SGCD: variants seen among roughly 807,000 people sequenced by gnomAD.
SGCD encodes the protein delta-sarcoglycan.
SGCD carries 18 observed loss-of-function variants against 36.6 expected under a neutral mutation model. That is an observed-to-expected ratio of 0.49 (90% CI 0.34 to 0.73). The LOEUF (loss-of-function observed/expected upper bound fraction) is 0.73, where lower values mean the gene tolerates loss of function less well. Among genes scored for constraint, SGCD ranks in the 30% least tolerant of loss-of-function variants. The probability of loss-of-function intolerance (pLI) is 0.01; values close to 1 mark genes in which losing one functional copy is unlikely to be tolerated. For missense variants in SGCD, 387 were observed against 346.7 expected (o/e 1.12, Z -0.92); for synonymous variants, 133 against 130.6 (o/e 1.02, Z -0.12).
chr5:156,442,654 A>C (rs898930541), intron 3 of SGCD, among the ~76,000 whole-genome samples: 1 of 152,156 alleles, frequency 6.6e-6, no homozygotes, highest in Non-Finnish European at 1.5e-5. Context: ...TTCTTCACTA[A>C]TAGGTCTGTT....
the SGCD span, among the ~76,000 whole-genome samples, chr5:155,851,725 C>A: frequency 5.3e-5 from 8 of 152,170 alleles, no homozygotes; most frequent in African/African-American, 1.7e-4. Context: ...CATGGACTTT[C>A]ACCTGCCTAG....
At chr5:155,981,087 G>A (rs1348587154) in intron 1 of SGCD, among the ~76,000 whole-genome samples, 2 of 152,208 alleles carry the variant, frequency 1.3e-5, no homozygotes, top group African/African-American at 4.8e-5. Flanking sequence ...AGATGGAGGA[G>A]GGCGGATCCA....
intron 3 of SGCD, among the ~76,000 whole-genome samples, chr5:156,358,544 G>A (rs1769608254): frequency 6.6e-6 from 1 of 152,124 alleles, no homozygotes; most frequent in African/African-American, 2.4e-5. Context: ...CCTACAGTGG[G>A]CCAAGGACTA....
At chr5:155,852,354 A>G in the SGCD span, among the ~76,000 whole-genome samples, 1 of 152,152 alleles carries the variant, frequency 6.6e-6, no homozygotes, top group Admixed American at 6.6e-5. Flanking sequence ...CCTTATTATC[A>G]CTAATTTAAT....
intron 1 of SGCD, among the ~76,000 whole-genome samples, chr5:155,996,917 A>ACAGG (rs1324354565): frequency 2.0e-5 from 3 of 151,862 alleles, no homozygotes; most frequent in African/African-American, 7.3e-5. Flanking sequence ...AGACAGACAG[A>ACAGG]CAGGCAGGCA....
At chr5:156,696,895 T>C (rs1035765227) in intron 7 of SGCD, among the ~76,000 whole-genome samples, 4 of 149,492 alleles carry the variant, frequency 2.7e-5, no homozygotes, top group African/African-American at 5.0e-5. Context: ...CCCTCTTCTC[T>C]CCCCATCATC....
intron 1 of SGCD, among the ~76,000 whole-genome samples, chr5:156,097,971 G>A (rs1489105998): frequency 1.3e-5 from 2 of 152,128 alleles, no homozygotes; most frequent in East Asian, 1.9e-4. Flanking sequence ...AGGTGCCATC[G>A]GAATTCTCAC....
chr5:156,192,504 G>C, intron 3 of SGCD, among the ~76,000 whole-genome samples: 1 of 152,032 alleles, frequency 6.6e-6, no homozygotes, highest in East Asian at 1.9e-4. Context: ...ATGAAGAGAG[G>C]TAAGTTAATG....
upstream of SGCD, among the ~76,000 whole-genome samples, chr5:156,326,540 G>GT (rs1209574604): frequency 6.6e-6 from 1 of 152,224 alleles, no homozygotes; most frequent in Admixed American, 6.5e-5. Context: ...AACTGTACCA[G>GT]TGTGGAAATG....
intron 3 of SGCD, among the ~76,000 whole-genome samples, chr5:156,143,951 T>C (rs1282181459): frequency 3.6e-5 from 5 of 140,594 alleles, no homozygotes; most frequent in Admixed American, 3.1e-4. Context: ...TGTTTTCTCA[T>C]TGTTCAATTC....
chr5:156,423,457 A>G (rs1354087727), intron 3 of SGCD, among the ~76,000 whole-genome samples: 14 of 107,072 alleles, frequency 1.3e-4, no homozygotes, highest in East Asian at 2.5e-4. Flanking sequence ...TTATTATAAT[A>G]TATTAATTAA....
intron 5 of SGCD, among the ~76,000 whole-genome samples, chr5:156,592,238 G>T (rs559898204): frequency 1.3e-5 from 2 of 152,090 alleles, no homozygotes; most frequent in Non-Finnish European, 2.9e-5. Flanking sequence ...TTTTTTATAT[G>T]AATGGAACAA....
intron 7 of SGCD, among the ~76,000 whole-genome samples, chr5:156,729,007 G>A (rs1755925623): frequency 1.3e-5 from 2 of 152,124 alleles, no homozygotes; most frequent in South Asian, 2.1e-4. Context: ...TATCCTTACT[G>A]GAATAGATTA....
chr5:156,087,133 C>T (rs1040807531), intron 1 of SGCD, among the ~76,000 whole-genome samples: 1 of 152,214 alleles, frequency 6.6e-6, no homozygotes, highest in Non-Finnish European at 1.5e-5. Context: ...CAATTATCAT[C>T]AAGGTCACAA....
chr5:156,155,372 C>T (rs936565859), intron 3 of SGCD, among the ~76,000 whole-genome samples: 4 of 151,414 alleles, frequency 2.6e-5, no homozygotes, highest in African/African-American at 4.9e-5. Context: ...TGAGTGGTGC[C>T]GTGTTGCCAG....
intron 3 of SGCD, among the ~76,000 whole-genome samples, chr5:156,148,177 A>G (rs17053247): frequency 0.04 from 6,133 of 152,316 alleles, 273 homozygotes; most frequent in African/African-American, 0.11. Flanking sequence ...ATAATGAACA[A>G]CAAAAACTCT....
upstream of SGCD, among the ~76,000 whole-genome samples, chr5:156,324,618 G>A (rs936278192): frequency 6.6e-6 from 1 of 152,110 alleles, no homozygotes; most frequent in Admixed American, 6.6e-5. Flanking sequence ...AAGTCTTTGG[G>A]GAGACATGAG....
At chr5:155,738,703 A>T in the SGCD span, among the ~76,000 whole-genome samples, 2,704 of 148,856 alleles carry the variant, frequency 0.018, 46 homozygotes, top group African/African-American at 0.035. Context: ...TGTATATGAG[A>T]GTGTGTGAGT....
chr5:155,778,117 A>G, the SGCD span, among the ~76,000 whole-genome samples: 2 of 152,184 alleles, frequency 1.3e-5, no homozygotes, highest in Middle Eastern at 3.2e-3. Flanking sequence ...GGATGTCAAA[A>G]GGGCATTTTT....
Sources: gnomAD v4.1 joint callset for allele counts (sites outside exome capture counted in the v4.1 genomes callset) on GRCh38, gnomAD v4.1.1 for gene constraint, MANE v1.5 for transcripts, NCBI Gene and HGNC (gene_info 2026-07-23, HGNC 2026-07-21) for gene names.